KANSL1L: variants seen among roughly 807,000 people sequenced by gnomAD.
The protein encoded by KANSL1L is KAT8 regulatory NSL complex subunit 1-like protein.
Under a neutral mutation model 108.6 loss-of-function variants are expected in KANSL1L, and 25 were observed. The observed-to-expected ratio is 0.23, with a 90% confidence interval of 0.17 to 0.32. The LOEUF is 0.32. Among genes scored for constraint, KANSL1L ranks in the 10% least tolerant of loss-of-function variants. The probability of loss-of-function intolerance (pLI) is 1.00; values close to 1 mark genes in which losing one functional copy is unlikely to be tolerated. For missense variants in KANSL1L, 1,137 were observed against 1,125.7 expected (o/e 1.01, Z -0.14); for synonymous variants, 405 against 395.1 (o/e 1.03, Z -0.30).
intron 8 of KANSL1L, chr2:210,035,155 G>T (rs113490138): frequency 2.3e-4 from 35 of 152,328 alleles, no homozygotes; most frequent in African/African-American, 8.2e-4. Context: ...ATTCATTGCA[G>T]ATGGCATTGC....
At chr2:210,067,879 T>A (rs1375018412) in intron 6 of KANSL1L, among the ~76,000 whole-genome samples, 1 of 152,022 alleles carries the variant, frequency 6.6e-6, no homozygotes, top group Non-Finnish European at 1.5e-5. Context: ...TTTATTTTAT[T>A]TTTATTTATT....
intron 5 of KANSL1L, among the ~76,000 whole-genome samples, chr2:210,087,578 A>T (rs190249068): frequency 3.0e-4 from 45 of 152,330 alleles, no homozygotes; most frequent in African/African-American, 8.2e-4. Context: ...ATCATGAACA[A>T]CATTTCATTC....
chr2:210,156,421 T>C (rs1307379027), intron 1 of KANSL1L, among the ~76,000 whole-genome samples: 2 of 151,934 alleles, frequency 1.3e-5, no homozygotes, highest in East Asian at 3.9e-4. Context: ...TTCAAAACAA[T>C]CTAGATGTCT....
intron 2 of KANSL1L, among the ~76,000 whole-genome samples, chr2:210,130,798 G>C (rs2095112796): frequency 6.6e-6 from 1 of 150,460 alleles, no homozygotes; most frequent in Non-Finnish European, 1.5e-5. Context: ...AGGATAAAAT[G>C]TTTGGATTTT....
chr2:210,088,727 G>A lies in KANSL1L; in HGVS notation c.1550+9359C>T, dbSNP rs1195697272. ...GGGCATTGGCTTGTTACCTGTAACT[G>A]GATCTCTGGTCCTCAGTCGAGTTCC... On this transcript the variant is annotated intron_variant, in intron 5 of 14. Coordinates refer to ENST00000281772, the MANE Select transcript of KANSL1L (RefSeq NM_152519.4). 4 of 152,376 alleles carry A rather than the reference G, an allele frequency of 2.6e-5. 1 individual carries two copies. Among genetic ancestry groups the A allele is most frequent in the East Asian group, 1.9e-4 (1 of 5,194 alleles). 9.4% of individuals were successfully genotyped at this position (152,376 alleles called of 1,614,324 possible).
intron 5 of KANSL1L, among the ~76,000 whole-genome samples, chr2:210,078,023 C>G (rs1408457112): frequency 6.6e-6 from 1 of 152,196 alleles, no homozygotes; most frequent in Non-Finnish European, 1.5e-5. Context: ...ATTGAGTGTA[C>G]TTACACAAAC....
intron 3 of KANSL1L, among the ~76,000 whole-genome samples, chr2:210,116,212 G>A (rs73984331): frequency 0.017 from 2,514 of 152,256 alleles, 66 homozygotes; most frequent in African/African-American, 0.057. Context: ...CTTGAGGAAA[G>A]AGGAAGGAAG....
rs764828359 is a variant in KANSL1L at position 210,098,167 on chromosome 2, G to A, written c.1469C>T (p.Pro490Leu). 6.2e-7 allele frequency: 1 copy of A among 1,612,520 alleles called. No homozygotes were observed. Among genetic ancestry groups the A allele is most frequent in the Non-Finnish European group, 8.5e-7 (1 of 1,179,198 alleles). The change falls in exon 5 of 15, where the codon CCT becomes CTT. Residue 490 changes from proline (P) to leucine (L), a missense_variant. Pro to Leu is a moderately conservative substitution (Grantham distance 98). This residue lies in a region of KANSL1L where 575 missense variants were observed against 567.1 expected (regional missense o/e 1.01). Coordinates refer to ENST00000281772, the MANE Select transcript of KANSL1L (RefSeq NM_152519.4). ...TGATGAAGTTGGGGACAAGTTGAGAGGGGCAATCAAACTGTTGATGATCTC... is the reference window on the plus strand; with the variant it reads ...TGATGAAGTTGGGGACAAGTTGAGAAGGGCAATCAAACTGTTGATGATCTC... Reference protein sequence around the residue: ...LTEIINSLIAPLNLSPTSSPL... With the variant: ...LTEIINSLIALLNLSPTSSPL...
At chr2:210,041,901 T>A (rs1216216138) in intron 7 of KANSL1L, among the ~76,000 whole-genome samples, 3 of 152,214 alleles carry the variant, frequency 2.0e-5, no homozygotes, top group Admixed American at 6.5e-5. Flanking sequence ...TGAGTTTGAA[T>A]CTTGATATTA....
At chr2:210,042,675 AT>A (rs2094178220) in intron 7 of KANSL1L, among the ~76,000 whole-genome samples, 1 of 152,218 alleles carries the variant, frequency 6.6e-6, no homozygotes, top group African/African-American at 2.4e-5. Flanking sequence ...AATGTGCTTA[AT>A]ATATACAAGG....
intron 6 of KANSL1L, among the ~76,000 whole-genome samples, chr2:210,064,707 G>T (rs531522041): frequency 6.6e-6 from 1 of 151,528 alleles, no homozygotes; most frequent in Non-Finnish European, 1.5e-5. Flanking sequence ...TACTTGGGAG[G>T]CTGAGGTGGG....
intron 6 of KANSL1L, among the ~76,000 whole-genome samples, chr2:210,070,001 G>A (rs968416181): frequency 6.7e-6 from 1 of 150,014 alleles, no homozygotes; most frequent in South Asian, 2.1e-4. Flanking sequence ...GCTAACTTTT[G>A]TATTTTTAGT....
chr2:210,025,067 G>A (rs1194285519), intron 13 of KANSL1L, 37 bp downstream of exon 13: 1 of 1,296,106 alleles, frequency 7.7e-7, no homozygotes. Flanking sequence ...CATTTCACAT[G>A]GATTCTATGG....
At chr2:210,100,918 A>G (rs1440040428) in intron 4 of KANSL1L, among the ~76,000 whole-genome samples, 2 of 152,180 alleles carry the variant, frequency 1.3e-5, no homozygotes, top group Admixed American at 1.3e-4. Flanking sequence ...GATTACAGGC[A>G]TGAGCTACCA....
chr2:210,115,962 A>T (rs760983572), intron 3 of KANSL1L, among the ~76,000 whole-genome samples: 1 of 152,220 alleles, frequency 6.6e-6, no homozygotes, highest in African/African-American at 2.4e-5. Flanking sequence ...CAGCATCTTT[A>T]TAAGAGCTAA....
At position 210,022,902 on chromosome 2, in the gene KANSL1L, C is replaced by T; in HGVS notation, c.*47G>A. 7 of 1,315,874 alleles carry T rather than the reference C, an allele frequency of 5.3e-6. No individual in the cohort carries two copies. Among genetic ancestry groups the T allele is most frequent in the Non-Finnish European group, 7.7e-6 (7 of 914,256 alleles). 81.5% of individuals were successfully genotyped at this position (1,315,874 alleles called of 1,614,324 possible). A position where few individuals can be genotyped will look rare whatever the true frequency, so the allele number is the denominator to read the frequency against. ...GGGGATCCAGAACAGGGCTTTATTT[C>T]CTCCCATCTTTCCTACATTTACATA... On this transcript the variant is annotated 3_prime_UTR_variant, in exon 15 of 15. Coordinates refer to ENST00000281772, the MANE Select transcript of KANSL1L (RefSeq NM_152519.4).
chr2:210,090,142 C>G (rs1437796352), intron 5 of KANSL1L, among the ~76,000 whole-genome samples: 1 of 152,186 alleles, frequency 6.6e-6, no homozygotes, highest in African/African-American at 2.4e-5. Flanking sequence ...ATTACAATAT[C>G]AATGGCTAAC....
intron 1 of KANSL1L, among the ~76,000 whole-genome samples, chr2:210,157,619 C>T (rs927843837): frequency 3.6e-5 from 5 of 139,988 alleles, no homozygotes; most frequent in Admixed American, 7.8e-5. Context: ...TGAGCCTGGA[C>T]GTTGAAGCTG....
At chr2:210,110,736 T>C (rs1031152930) in intron 3 of KANSL1L, among the ~76,000 whole-genome samples, 3 of 152,144 alleles carry the variant, frequency 2.0e-5, no homozygotes, top group African/African-American at 7.2e-5. Context: ...TTGACAAACA[T>C]ACAATATTTG....
Sources: gnomAD v4.1 joint callset for allele counts (sites outside exome capture counted in the v4.1 genomes callset) on GRCh38, gnomAD v4.1.1 for gene constraint, gnomAD v4.1.1 regional missense constraint, MANE v1.5 for transcripts, NCBI Gene and HGNC (gene_info 2026-07-23, HGNC 2026-07-21) for gene names.